Variants in PARVB observed in about 807,000 individuals in gnomAD.
PARVB encodes beta-parvin.
A neutral mutation model predicts 47.0 loss-of-function variants in PARVB; 46 were observed. The observed-to-expected ratio is 0.98, with a 90% CI of 0.77 to 1.25. The LOEUF is 1.25. PARVB is among the 50% of genes most tolerant of loss of function. The pLI is 0.00. For synonymous variants in PARVB, 196 were observed against 196.3 expected (o/e 1.00, Z 0.01); for missense variants, 473 against 471.6 (o/e 1.00, Z -0.03).
chr22:44,167,899 G>A (rs1044484374), intron 12 of PARVB: 2 of 152,438 alleles, frequency 1.3e-5, no homozygotes, highest in Admixed American at 6.5e-5. Flanking sequence ...TGTGTGAGTC[G>A]AGAAACTCCA....
chr22:44,093,018 C>T (rs1906458421), intron 1 of PARVB, among the ~76,000 whole-genome samples: 1 of 152,244 alleles, frequency 6.6e-6, no homozygotes, highest in Non-Finnish European at 1.5e-5. Flanking sequence ...CCCAGCGGCC[C>T]TCCACCAGTG....
chr22:44,016,099 C>CTTTTTTTTTTTTTTTTTTTTTTTTTTTT (rs562590606), intron 2 of PARVB, among the ~76,000 whole-genome samples: 1 of 129,194 alleles, frequency 7.7e-6, no homozygotes, highest in African/African-American at 3.0e-5. Context: ...TTCTTTCTTT[C>CTTTTTTTTTTTTTTTTTTTTTTTTTTTT]TTTTTTTTTT....
chr22:44,138,904 T>G (rs1006403958), intron 7 of PARVB: 1 of 152,196 alleles, frequency 6.6e-6, no homozygotes, highest in African/African-American at 2.4e-5. Context: ...CTCAAGTAAG[T>G]GCTTGTTAAA....
chr22:44,028,378 A>G (rs1370233178), intron 1 of PARVB, among the ~76,000 whole-genome samples: 2 of 151,512 alleles, frequency 1.3e-5, no homozygotes, highest in Non-Finnish European at 2.9e-5. Context: ...TTTCCAGACT[A>G]TCATCTAGTT....
At chr22:44,018,257 C>CTG (rs1375537801) in intron 2 of PARVB, among the ~76,000 whole-genome samples, 38 of 152,132 alleles carry the variant, frequency 2.5e-4, no homozygotes, top group Non-Finnish European at 4.3e-4. Context: ...CAAAAATTAG[C>CTG]TGGGTTTGGT....
At chr22:44,055,842 T>C (rs766109754) in intron 1 of PARVB, among the ~76,000 whole-genome samples, 12 of 152,288 alleles carry the variant, frequency 7.9e-5, no homozygotes, top group Non-Finnish European at 1.5e-4. Flanking sequence ...CCCCTTACCC[T>C]GCCTTTCGGT....
chr22:44,095,700 C>T (rs1250125278), intron 2 of PARVB, among the ~76,000 whole-genome samples: 2 of 152,198 alleles, frequency 1.3e-5, no homozygotes, highest in Middle Eastern at 3.2e-3. Flanking sequence ...TGGGATCTAG[C>T]TGATCTGGAA....
intron 1 of PARVB, among the ~76,000 whole-genome samples, chr22:44,058,549 A>ATT (rs35947294): frequency 0.054 from 5,203 of 95,948 alleles, 261 homozygotes; most frequent in Middle Eastern, 0.096. Flanking sequence ...GTGGACGTGG[A>ATT]TTTTTTTTTT....
At chr22:44,036,139 C>T (rs984899734) in intron 1 of PARVB, among the ~76,000 whole-genome samples, 2 of 152,074 alleles carry the variant, frequency 1.3e-5, no homozygotes, top group African/African-American at 4.8e-5. Flanking sequence ...CACCTGTAAT[C>T]CCAGCTACTC....
chr22:44,077,596 G>C (rs375957427), intron 1 of PARVB, among the ~76,000 whole-genome samples: 1 of 152,290 alleles, frequency 6.6e-6, no homozygotes, highest in East Asian at 1.9e-4. Flanking sequence ...GTTGGCTTAC[G>C]AGTCCTGGCC....
At chr22:44,101,243 A>G (rs2052437300) in intron 3 of PARVB, among the ~76,000 whole-genome samples, 1 of 151,070 alleles carries the variant, frequency 6.6e-6, no homozygotes, top group South Asian at 2.1e-4. Context: ...CCCCGTCTCT[A>G]CTAAAAATAC....
At chr22:44,057,672 G>A (rs528127072) in intron 1 of PARVB, among the ~76,000 whole-genome samples, 14 of 152,134 alleles carry the variant, frequency 9.2e-5, no homozygotes, top group African/African-American at 3.1e-4. Flanking sequence ...CAGGGGGCCC[G>A]GTGTCTCAGC....
chr22:44,050,969 C>T (rs1450186025), intron 1 of PARVB, among the ~76,000 whole-genome samples: 2 of 152,194 alleles, frequency 1.3e-5, no homozygotes, highest in African/African-American at 2.4e-5. Context: ...GTATTTCTGC[C>T]TGTGCCACAG....
At chr22:44,035,414 A>C (rs1601507000) in intron 1 of PARVB, among the ~76,000 whole-genome samples, 1 of 128,630 alleles carries the variant, frequency 7.8e-6, no homozygotes, top group African/African-American at 3.1e-5. Context: ...TCTGTTGCCC[A>C]GGCTGGAGTG....
intron 2 of PARVB, among the ~76,000 whole-genome samples, chr22:44,001,426 T>C (rs1408257624): frequency 6.6e-6 from 1 of 152,266 alleles, no homozygotes; most frequent in Non-Finnish European, 1.5e-5. Context: ...ACATCGTGGC[T>C]TAGCCCAGCC....
At chr22:44,038,855 A>C (rs1282205794) in intron 1 of PARVB, among the ~76,000 whole-genome samples, 2 of 152,232 alleles carry the variant, frequency 1.3e-5, no homozygotes, top group East Asian at 1.9e-4. Context: ...TTTGCAAAAC[A>C]CATGTTTGAT....
chr22:44,147,549 T>A (rs977968707), intron 8 of PARVB: 8 of 466,780 alleles, frequency 1.7e-5, no homozygotes, highest in Admixed American at 5.3e-5. Context: ...TCCTAGGACG[T>A]GGCAGGTGCA....
At chr22:44,124,992 ACT>A (rs549001229) in intron 4 of PARVB, among the ~76,000 whole-genome samples, 156 of 151,244 alleles carry the variant, frequency 1.0e-3, no homozygotes, top group African/African-American at 3.5e-3. Flanking sequence ...GAGTTTGCAC[ACT>A]CTGCACAAAT....
chr22:44,106,693 T>C (rs1436805755), intron 3 of PARVB: 1 of 152,106 alleles, frequency 6.6e-6, no homozygotes, highest in Non-Finnish European at 1.5e-5. Context: ...TGCACTTTTT[T>C]CCTCTTGTCT....
Sources: gnomAD v4.1 joint callset for allele counts (sites outside exome capture counted in the v4.1 genomes callset) on GRCh38, gnomAD v4.1.1 for gene constraint, MANE v1.5 for transcripts, NCBI Gene and HGNC (gene_info 2026-07-23, HGNC 2026-07-21) for gene names.